Variants in NPR3 observed in about 807,000 individuals in gnomAD.
The protein encoded by NPR3 is atrial natriuretic peptide receptor 3.
NPR3 carries 34 observed loss-of-function variants against 54.5 expected under a neutral mutation model. That is an observed-to-expected ratio of 0.62 (90% CI 0.47 to 0.83). The LOEUF (loss-of-function observed/expected upper bound fraction) is 0.83. Ranked by LOEUF, NPR3 falls within the 40% of genes least tolerant of loss-of-function variation. NPR3 has a pLI of 0.00. For missense variants in NPR3, 674 were observed against 720.8 expected (o/e 0.94, Z 0.74); for synonymous variants, 289 against 297.1 (o/e 0.97, Z 0.28).
intron 4 of NPR3, among the ~76,000 whole-genome samples, chr5:32,778,849 T>A (rs908984346): frequency 1.3e-5 from 2 of 152,200 alleles, no homozygotes; most frequent in Non-Finnish European, 2.9e-5. Context: ...CTCTGCAAAA[T>A]GCTTAGCAGG....
intron 3 of NPR3, among the ~76,000 whole-genome samples, chr5:32,746,859 A>G (rs1293021237): frequency 6.6e-6 from 1 of 152,114 alleles, no homozygotes; most frequent in Non-Finnish European, 1.5e-5. Context: ...CTGTCCCTTT[A>G]ACAGTTGGTT....
intron 3 of NPR3, among the ~76,000 whole-genome samples, chr5:32,768,151 G>A (rs66558368): frequency 0.041 from 6,298 of 152,244 alleles, 148 homozygotes; most frequent in Non-Finnish European, 0.051. Context: ...AGACCTCAGG[G>A]AAGAGAGGCC....
rs932550853 is a variant in NPR3 at position 32,780,735 on chromosome 5, G to C, written c.1209G>C (p.Gln403His). The change falls in exon 5 of 8, where the codon CAG becomes CAC. Residue 403 changes from glutamine (Q) to histidine (H), a missense_variant. Gln to His is a conservative substitution (Grantham distance 24, BLOSUM62 0). Transcript: ENST00000265074. ...CTGGTCCTGTAGGTATCGCCGGGCA[G>C]GTGTCCATAGATGCCAACGGAGACC... ...WNRTFEGIAG[Q>H]VSIDANGDRY... is the part of the protein sequence containing the mutation. 3.9e-6 allele frequency: 6 copies of C among 1,554,542 alleles called. No individual in the cohort carries two copies. The Admixed American group carries it at 6.7e-5, about 17-fold the overall frequency.
intron 1 of NPR3, 52 bp from the exon 2 acceptor site, chr5:32,724,646 C>T (rs768434290): frequency 2.4e-4 from 380 of 1,608,502 alleles, no homozygotes; most frequent in Non-Finnish European, 3.1e-4. Flanking sequence ...TCAGCATGCT[C>T]GAAGTGCTCT....
chr5:32,695,321 G>A (rs1447377048), intron 1 of NPR3, among the ~76,000 whole-genome samples: 1 of 152,174 alleles, frequency 6.6e-6, no homozygotes, highest in East Asian at 1.9e-4. Context: ...CTGGAGTGCA[G>A]TGGCACGATC....
chr5:32,772,847 G>A (rs966171373), intron 3 of NPR3, among the ~76,000 whole-genome samples: 4 of 152,134 alleles, frequency 2.6e-5, no homozygotes, highest in Non-Finnish European at 4.4e-5. Context: ...TCCAGATGAG[G>A]AAACCAGAAC....
intron 3 of NPR3, among the ~76,000 whole-genome samples, chr5:32,770,603 C>T (rs1412130467): frequency 2.0e-5 from 3 of 152,102 alleles, no homozygotes; most frequent in African/African-American, 7.2e-5. Flanking sequence ...ATAATGATTA[C>T]CCTGGAGCTT....
At chr5:32,693,642 TAA>T (rs2111805203) in intron 1 of NPR3, among the ~76,000 whole-genome samples, 1 of 152,348 alleles carries the variant, frequency 6.6e-6, no homozygotes, top group African/African-American at 2.4e-5. Flanking sequence ...CACACAGATT[TAA>T]ATATAACTTG....
intron 2 of NPR3, 73 bp from the exon 3 acceptor site, chr5:32,738,791 A>T: frequency 7.3e-7 from 1 of 1,374,868 alleles, no homozygotes; most frequent in Non-Finnish European, 1.0e-6. Context: ...GGGGCGCCTC[A>T]CAGTTGTGAA....
upstream of NPR3, chr5:32,710,457 A>T: frequency 2.3e-6 from 1 of 443,738 alleles, no homozygotes; most frequent in Non-Finnish European, 3.7e-6. Context: ...CAGAAGTTGA[A>T]CCATTCCCTC....
intron 4 of NPR3, among the ~76,000 whole-genome samples, chr5:32,779,035 A>T (rs1027007279): frequency 6.6e-6 from 1 of 152,224 alleles, no homozygotes; most frequent in African/African-American, 2.4e-5. Context: ...AAAAAATCAA[A>T]GTGAATGGTA....
intron 1 of NPR3, chr5:32,713,185 GAC>G (rs1333333225): frequency 4.1e-6 from 4 of 985,260 alleles, no homozygotes. Flanking sequence ...GAATTCTGGC[GAC>G]ACTCACTTCT....
At chr5:32,714,370 G>C (rs543888340) in intron 1 of NPR3, among the ~76,000 whole-genome samples, 22 of 150,158 alleles carry the variant, frequency 1.5e-4, no homozygotes, top group African/African-American at 4.7e-4. Context: ...CTGAGGCCTG[G>C]GGCTGGGCGG....
At chr5:32,722,224 C>A (rs11948058) in intron 1 of NPR3, among the ~76,000 whole-genome samples, 2 of 151,998 alleles carry the variant, frequency 1.3e-5, no homozygotes, top group African/African-American at 4.8e-5. Context: ...GTCCTTGGAC[C>A]CTGGCTGTTT....
chr5:32,764,598 G>T (rs183022598), intron 3 of NPR3, among the ~76,000 whole-genome samples: 2 of 151,838 alleles, frequency 1.3e-5, no homozygotes, highest in Non-Finnish European at 2.9e-5. Context: ...GATTAGCCTG[G>T]CCAACATCGT....
At chr5:32,766,332 A>G (rs1741472790) in intron 3 of NPR3, among the ~76,000 whole-genome samples, 1 of 152,194 alleles carries the variant, frequency 6.6e-6, no homozygotes, top group African/African-American at 2.4e-5. Flanking sequence ...ATAATATCTG[A>G]AAAACACAAG....
intron 3 of NPR3, among the ~76,000 whole-genome samples, chr5:32,751,594 T>C (rs1176798635): frequency 6.6e-6 from 1 of 152,220 alleles, no homozygotes; most frequent in Non-Finnish European, 1.5e-5. Context: ...AGCTTGTTTT[T>C]TCTCCTTATT....
intron 3 of NPR3, among the ~76,000 whole-genome samples, chr5:32,744,728 A>G (rs1448399066): frequency 6.6e-6 from 1 of 152,268 alleles, no homozygotes; most frequent in South Asian, 2.1e-4. Flanking sequence ...TGTAACTCAA[A>G]CATCACTTCC....
chr5:32,694,013 C>T (rs971351201), intron 1 of NPR3, among the ~76,000 whole-genome samples: 1 of 152,170 alleles, frequency 6.6e-6, no homozygotes, highest in African/African-American at 2.4e-5. Flanking sequence ...TGATGGCTTC[C>T]TGTCTTCTCT....
Sources: allele counts gnomAD v4.1 joint callset (sites outside exome capture counted in the v4.1 genomes callset), GRCh38; gene constraint gnomAD v4.1.1; transcripts MANE v1.5; gene names NCBI Gene and HGNC (gene_info 2026-07-23, HGNC 2026-07-21).